The following ZNF664 variants were observed in gnomAD, a reference collection of about 807,000 sequenced individuals.
ZNF664 encodes zinc finger Organ of Corti 1.
A neutral mutation model predicts 18.2 loss-of-function variants in ZNF664; 10 were observed. That is an observed-to-expected ratio of 0.55 (90% CI 0.34 to 0.93). The LOEUF (loss-of-function observed/expected upper bound fraction) is 0.93. Among genes scored for constraint, ZNF664 ranks in the 40% least tolerant of loss-of-function variants. The pLI is 0.02. For synonymous variants in ZNF664, 119 were observed against 104.2 expected (o/e 1.14, Z -0.86); for missense variants, 193 against 319.0 (o/e 0.61, Z 3.01).
chr12:123,988,291 C>G (rs967803972), intron 3 of ZNF664, 153 bp downstream of exon 3: 2 of 580,974 alleles, frequency 3.4e-6, no homozygotes, highest in Non-Finnish European at 5.1e-6. Flanking sequence ...TGACCTCTCG[C>G]CTTTATCTGG....
chr12:124,003,200 T>C (rs1445157408), intron 3 of ZNF664, among the ~76,000 whole-genome samples: 3 of 152,088 alleles, frequency 2.0e-5, no homozygotes, highest in African/African-American at 7.2e-5. Context: ...ATAGCTAGGA[T>C]GGAATTGACA....
intron 2 of ZNF664, among the ~76,000 whole-genome samples, chr12:123,983,294 G>C (rs545488833): frequency 3.9e-5 from 6 of 152,334 alleles, no homozygotes; most frequent in African/African-American, 1.4e-4. Context: ...TGAAGATGTA[G>C]CAGAAGCATT....
chr12:123,991,661 CA>C (rs1158651013), intron 3 of ZNF664, among the ~76,000 whole-genome samples: 2 of 152,184 alleles, frequency 1.3e-5, no homozygotes, highest in African/African-American at 4.8e-5. Context: ...CATACATTTG[CA>C]GCTCGATCAG....
intron 1 of ZNF664, chr12:123,973,633 G>A (rs1050955002): frequency 7.6e-6 from 4 of 525,546 alleles, no homozygotes; most frequent in African/African-American, 4.1e-5. Flanking sequence ...GATGGCGGCC[G>A]GTGCGAGCGA....
At chr12:123,988,832 T>C (rs1238296746) in intron 3 of ZNF664, among the ~76,000 whole-genome samples, 1 of 152,218 alleles carries the variant, frequency 6.6e-6, no homozygotes, top group African/African-American at 2.4e-5. Flanking sequence ...TTTGTTTATC[T>C]TTATTTGGTC....
rs1202229893 is a variant in ZNF664 at position 124,012,848 on chromosome 12, C to A, written c.704C>A (p.Ala235Asp). 6.2e-7 allele frequency: 1 copy of A among 1,613,878 alleles called. No homozygotes were observed. The part of the protein sequence containing the change: ...KPFKCDECGK[A>D]FSQSTSLCIH... ...TTCAAATGTGATGAGTGCGGAAAGG[C>A]CTTCAGTCAGAGTACGAGCCTCTGC... Residue 235 changes from alanine (A) to aspartate (D), a missense_variant, in exon 5 of 5, where the codon GCC (alanine) becomes GAC (aspartate). Physicochemically the swap from Ala to Asp is moderately radical, Grantham distance 126 (BLOSUM62 -2). Around this residue, in one of 3 missense-constraint regions of ZNF664, gnomAD observed 42 missense variants for 46.4 expected, o/e 0.91. Transcript: ENST00000337815.
chr12:124,007,427 A>C (rs1957085498), intron 3 of ZNF664, among the ~76,000 whole-genome samples: 1 of 152,214 alleles, frequency 6.6e-6, no homozygotes, highest in Non-Finnish European at 1.5e-5. Context: ...TTAGCTTGCC[A>C]GGCAAAAGAG....
rs1489335720 is a variant in ZNF664, at chr12:124,011,710, A to G, written c.-435A>G. On this transcript the variant is annotated 5_prime_UTR_variant, in exon 5 of 5. Transcript: ENST00000337815. ...CTGCAGGGGCTCGAGACCAGCCAGC[A>G]GTATCTCATCCTTCGATACAGGGGA... 4.0e-6 allele frequency: 4 copies of G among 1,008,010 alleles called. No individual in the cohort carries two copies. Among genetic ancestry groups the G allele is most frequent in the Non-Finnish European group, 4.7e-6 (4 of 847,104 alleles). The allele number at this position is 1,008,010 out of a possible 1,614,324, so 62.4% of individuals were successfully genotyped here.
At position 124,015,104 on chromosome 12, in the gene ZNF664, A is replaced by T. The variant is rs1335731780; in HGVS notation, c.*2174A>T. 1 of 167,108 alleles carries T rather than the reference A, an allele frequency of 6.0e-6. No individual in the cohort carries two copies. The highest frequency in any genetic ancestry group is 1.5e-5 in the Non-Finnish European group (1 of 68,122). 10.4% of individuals were successfully genotyped at this position (167,108 alleles called of 1,614,324 possible). ...GTTGAAATATCATTGATAGAATTTT[A>T]GTTTTAGGAAAAATTGGTTTGATTT... On this transcript the variant is annotated 3_prime_UTR_variant, in exon 5 of 5. Coordinates refer to ENST00000337815, the MANE Select transcript of ZNF664 (RefSeq NM_152437.3).
chr12:123,973,848 G>A, intron 1 of ZNF664, 38 bp from the exon 2 acceptor site: 2 of 1,166,412 alleles, frequency 1.7e-6, no homozygotes, highest in Non-Finnish European at 2.1e-6. Context: ...GGGCGGCTGC[G>A]GAGGAGCCGG....
chr12:123,991,170 G>A (rs1410808902), intron 3 of ZNF664, among the ~76,000 whole-genome samples: 1 of 152,120 alleles, frequency 6.6e-6, no homozygotes, highest in Admixed American at 6.5e-5. Flanking sequence ...GATAAACTTA[G>A]GCCTTGTATG....
At chr12:123,995,019 T>C (rs1333121161) in intron 3 of ZNF664, among the ~76,000 whole-genome samples, 1 of 152,196 alleles carries the variant, frequency 6.6e-6, no homozygotes, top group Non-Finnish European at 1.5e-5. Flanking sequence ...GTAAAGGCAA[T>C]GATGAAAATG....
chr12:123,990,886 G>A (rs1360294664), intron 3 of ZNF664, among the ~76,000 whole-genome samples: 2 of 152,184 alleles, frequency 1.3e-5, no homozygotes, highest in African/African-American at 4.8e-5. Context: ...TGAGGAAATC[G>A]TATTTTTTTC....
At chr12:123,978,962 A>G (rs928355564) in intron 2 of ZNF664, among the ~76,000 whole-genome samples, 8 of 152,226 alleles carry the variant, frequency 5.3e-5, no homozygotes, top group Non-Finnish European at 1.0e-4. Flanking sequence ...AGAAAGAAAG[A>G]TCCTACTTCA....
At chr12:123,974,735 G>A (rs1049303289) in intron 2 of ZNF664, among the ~76,000 whole-genome samples, 3 of 152,110 alleles carry the variant, frequency 2.0e-5, no homozygotes, top group Non-Finnish European at 4.4e-5. Flanking sequence ...GCTTTAACAA[G>A]GACTGTTGCA....
intron 3 of ZNF664, among the ~76,000 whole-genome samples, chr12:124,003,828 T>G (rs1167608215): frequency 6.6e-6 from 1 of 152,178 alleles, no homozygotes; most frequent in African/African-American, 2.4e-5. Context: ...TGGGAAAATG[T>G]GTGTACTGAA....
chr12:124,003,398 C>CT (rs369995896), intron 3 of ZNF664: 1,521 of 138,582 alleles, frequency 0.011, 17 homozygotes, highest in African/African-American at 0.034. Flanking sequence ...CTAATTGCAT[C>CT]TTTTTTTTTT....
chr12:123,973,862 C>T, intron 1 of ZNF664, 24 bp from the exon 2 acceptor site: 1 of 1,115,918 alleles, frequency 9.0e-7, no homozygotes, highest in Non-Finnish European at 1.1e-6. Flanking sequence ...GAGCCGGCTG[C>T]ATGGGGTGCT....
chr12:123,977,825 C>G (rs778372137), intron 2 of ZNF664, among the ~76,000 whole-genome samples: 1 of 152,118 alleles, frequency 6.6e-6, no homozygotes. Context: ...CAGAAATAAA[C>G]TTTTTTATAT....
Sources: allele counts gnomAD v4.1 joint callset (sites outside exome capture counted in the v4.1 genomes callset), GRCh38; gene constraint gnomAD v4.1.1; regional missense constraint gnomAD v4.1.1; transcripts MANE v1.5; gene names NCBI Gene and HGNC (gene_info 2026-07-23, HGNC 2026-07-21).